MORN5: variants seen among roughly 807,000 people sequenced by gnomAD.
MORN5 encodes MORN repeat containing 5, also known as MORN repeat-containing protein 5.
MORN5 carries 21 observed loss-of-function variants against 22.1 expected under a neutral mutation model. The ratio of observed to expected loss-of-function variants is 0.95; its 90% CI spans 0.67 to 1.37. The LOEUF is 1.37. Ranked by LOEUF, MORN5 falls within the 40% of genes most tolerant of loss-of-function variation. The pLI is 0.00. For synonymous variants in MORN5, 73 were observed against 74.0 expected (o/e 0.99, Z 0.07); for missense variants, 211 against 215.1 (o/e 0.98, Z 0.12).
intron 1 of MORN5, among the ~76,000 whole-genome samples, chr9:122,160,511 A>G (rs894779091): frequency 2.6e-5 from 4 of 152,164 alleles, no homozygotes; most frequent in Non-Finnish European, 4.4e-5. Context: ...CTAGTAGTAA[A>G]AAACAATTCA....
chr9:122,167,586 G>A (rs1229529820), intron 2 of MORN5, among the ~76,000 whole-genome samples: 1 of 151,978 alleles, frequency 6.6e-6, no homozygotes, highest in Non-Finnish European at 1.5e-5. Flanking sequence ...AAGGATCTGT[G>A]GAGAGGCCAT....
chr9:122,185,966 C>T (rs1829625144), intron 4 of MORN5, among the ~76,000 whole-genome samples: 1 of 152,214 alleles, frequency 6.6e-6, no homozygotes, highest in Non-Finnish European at 1.5e-5. Flanking sequence ...AGGCAATTTA[C>T]CGAAATGTTA....
intron 4 of MORN5, chr9:122,175,411 G>A (rs1829435456): frequency 2.0e-5 from 19 of 954,070 alleles, no homozygotes; most frequent in Non-Finnish European, 2.4e-5. Flanking sequence ...TGATCAGACT[G>A]AGAAGAACCC....
At chr9:122,163,194 A>G (rs1001176118) in intron 1 of MORN5, among the ~76,000 whole-genome samples, 2 of 152,172 alleles carry the variant, frequency 1.3e-5, no homozygotes, top group African/African-American at 4.8e-5. Context: ...GGAGGAAGGG[A>G]CGCCCATAGC....
At chr9:122,173,115 T>G (rs1829390094) in intron 3 of MORN5, among the ~76,000 whole-genome samples, 1 of 152,192 alleles carries the variant, frequency 6.6e-6, no homozygotes, top group African/African-American at 2.4e-5. Flanking sequence ...CCTCTGCCAG[T>G]CTCGTGGTGG....
intron 1 of MORN5, among the ~76,000 whole-genome samples, chr9:122,162,408 G>T (rs536753351): frequency 6.6e-6 from 1 of 152,270 alleles, no homozygotes; most frequent in African/African-American, 2.4e-5. Context: ...AACATCAAAT[G>T]GTACGACTGC....
At chr9:122,175,134 G>A (rs778948495) in intron 4 of MORN5, among the ~76,000 whole-genome samples, 6 of 152,204 alleles carry the variant, frequency 3.9e-5, no homozygotes, top group Non-Finnish European at 5.9e-5. Context: ...GGATGCTGTG[G>A]GAGCACAAAT....
At chr9:122,175,972 G>T (rs1037342642) in intron 4 of MORN5, among the ~76,000 whole-genome samples, 1 of 152,062 alleles carries the variant, frequency 6.6e-6, no homozygotes, top group African/African-American at 2.4e-5. Context: ...AAATTAGCCG[G>T]GTGCGGTGGC....
Position 122,159,932 on chromosome 9 carries a change from A to C in MORN5, c.-41A>C, listed in dbSNP as rs953264012. On this transcript the variant is annotated 5_prime_UTR_variant, in exon 1 of 5. Coordinates refer to ENST00000373764, the MANE Select transcript of MORN5 (RefSeq NM_198469.4). ...TGTCATAGTGATGCCGTATCCACTG[A>C]GACTCCGGATCCTAACAGCTGGAAG... is the stretch of plus-strand genomic sequence containing the variant. 1.2e-6 allele frequency: 2 copies of C among 1,603,190 alleles called. No homozygotes were observed. Among genetic ancestry groups the C allele is most frequent in the Non-Finnish European group, 1.7e-6 (2 of 1,170,024 alleles).
At chr9:122,190,662 G>GA (rs1829742128) in intron 4 of MORN5, among the ~76,000 whole-genome samples, 2 of 152,270 alleles carry the variant, frequency 1.3e-5, no homozygotes, top group African/African-American at 4.8e-5. Flanking sequence ...CTTCTATGGG[G>GA]AAAAGCCGGA....
At chr9:122,182,234 C>T (rs1829546207) in intron 4 of MORN5, among the ~76,000 whole-genome samples, 1 of 152,240 alleles carries the variant, frequency 6.6e-6, no homozygotes, top group Non-Finnish European at 1.5e-5. Flanking sequence ...ACTGCCTATT[C>T]TCACCTCATG....
chr9:122,175,370 A>G, intron 4 of MORN5: 6 of 735,586 alleles, frequency 8.2e-6, no homozygotes, highest in Non-Finnish European at 1.0e-5. Context: ...TGGAGGATCC[A>G]GAACCTCAGT....
chr9:122,180,631 C>T (rs1253258144), intron 4 of MORN5, among the ~76,000 whole-genome samples: 2 of 152,148 alleles, frequency 1.3e-5, no homozygotes, highest in Non-Finnish European at 2.9e-5. Context: ...GGTTGCTAGG[C>T]ACTAAATTGA....
intron 4 of MORN5, chr9:122,175,747 G>A: frequency 5.2e-6 from 5 of 961,916 alleles, no homozygotes; most frequent in Non-Finnish European, 6.2e-6. Flanking sequence ...GTGAATGAGA[G>A]CATCCTCTCC....
At chr9:122,189,175 A>G (rs1187810146) in intron 4 of MORN5, among the ~76,000 whole-genome samples, 1 of 151,900 alleles carries the variant, frequency 6.6e-6, no homozygotes, top group Admixed American at 6.6e-5. Flanking sequence ...AGCCTGGGTG[A>G]CAGAGCGAGA....
intron 4 of MORN5, 31 bp downstream of exon 4, chr9:122,174,658 T>A (rs1303652449): frequency 6.2e-7 from 1 of 1,613,688 alleles, no homozygotes; most frequent in East Asian, 2.2e-5. Context: ...CAGCACGTTT[T>A]CTCTTCACCC....
At chr9:122,163,153 G>A (rs1829227682) in intron 1 of MORN5, among the ~76,000 whole-genome samples, 1 of 152,292 alleles carries the variant, frequency 6.6e-6, no homozygotes, top group Non-Finnish European at 1.5e-5. Context: ...GCACCACAAG[G>A]TAAGTGCCAG....
intron 4 of MORN5, among the ~76,000 whole-genome samples, chr9:122,190,667 G>C (rs754233215): frequency 2.0e-5 from 3 of 152,248 alleles, no homozygotes; most frequent in Non-Finnish European, 4.4e-5. Flanking sequence ...ATGGGGAAAA[G>C]CCGGAGCAGG....
chr9:122,193,984 A>T (rs1829833474), intron 4 of MORN5, among the ~76,000 whole-genome samples: 1 of 152,210 alleles, frequency 6.6e-6, no homozygotes, highest in Admixed American at 6.5e-5. Context: ...GGGGTAGCCC[A>T]TGGTCAGATT....
Sources: allele counts gnomAD v4.1 joint callset (sites outside exome capture counted in the v4.1 genomes callset), GRCh38; gene constraint gnomAD v4.1.1; transcripts MANE v1.5; gene names NCBI Gene and HGNC (gene_info 2026-07-23, HGNC 2026-07-21).